Variants in GPATCH1 observed in about 807,000 individuals in gnomAD.
GPATCH1 encodes the protein G patch domain-containing protein 1.
Under a neutral mutation model 114.9 loss-of-function variants are expected in GPATCH1, and 73 were observed. The observed-to-expected ratio is 0.64, with a 90% CI of 0.53 to 0.77. The LOEUF is 0.77. Ranked by LOEUF, GPATCH1 falls within the 30% of genes least tolerant of loss-of-function variation. The probability of loss-of-function intolerance (pLI) is 0.00; values close to 1 mark genes in which losing one functional copy is unlikely to be tolerated. For missense variants in GPATCH1, 1,058 were observed against 1,144.3 expected (o/e 0.92, Z 1.09); for synonymous variants, 391 against 428.4 (o/e 0.91, Z 1.08).
At chr19:33,115,093 T>C (rs1351249015) in intron 15 of GPATCH1, among the ~76,000 whole-genome samples, 2 of 149,824 alleles carry the variant, frequency 1.3e-5, no homozygotes, top group East Asian at 3.9e-4. Context: ...CACCGGCTTT[T>C]ACTCTGTGCC....
chr19:33,090,719 A>G (rs1225815565), intron 2 of GPATCH1, 61 bp from the exon 3 acceptor site: 4 of 1,014,216 alleles, frequency 3.9e-6, no homozygotes, highest in African/African-American at 3.2e-5. Flanking sequence ...TTATTTAATC[A>G]TTTACTCATA....
chr19:33,093,749 A>G (rs1020840756), intron 4 of GPATCH1, among the ~76,000 whole-genome samples: 2 of 152,162 alleles, frequency 1.3e-5, no homozygotes, highest in African/African-American at 4.8e-5. Flanking sequence ...GAGAGCTGTT[A>G]GGAATTACAG....
chr19:33,113,735 G>A (rs1290232127), intron 13 of GPATCH1, 32 bp from the exon 14 acceptor site: 1 of 1,605,826 alleles, frequency 6.2e-7, no homozygotes, highest in Non-Finnish European at 8.5e-7. Flanking sequence ...CCTACTGGTT[G>A]TTACTAAAAT....
intron 18 of GPATCH1, among the ~76,000 whole-genome samples, chr19:33,125,999 C>T (rs1036450671): frequency 4.6e-5 from 7 of 152,138 alleles, no homozygotes; most frequent in African/African-American, 1.4e-4. Context: ...GTTGGGTACC[C>T]AAAGTAGTCT....
At chr19:33,085,887 C>A (rs1284041187) in intron 1 of GPATCH1, among the ~76,000 whole-genome samples, 1 of 152,136 alleles carries the variant, frequency 6.6e-6, no homozygotes, top group Non-Finnish European at 1.5e-5. Flanking sequence ...TGGCCCTCAT[C>A]ATCTGCCGCC....
At chr19:33,116,564 C>G (rs1366586832) in intron 15 of GPATCH1, among the ~76,000 whole-genome samples, 3 of 152,220 alleles carry the variant, frequency 2.0e-5, no homozygotes, top group Admixed American at 6.5e-5. Flanking sequence ...GAGTCTCGCT[C>G]TGTCACCCAG....
chr19:33,110,004 C>T lies in GPATCH1; in HGVS notation c.1573C>T (p.Gln525Ter). The T allele has an allele frequency of 6.2e-7, 1 of 1,607,446 alleles. No homozygotes were observed. The highest frequency in any genetic ancestry group is 8.5e-7 in the Non-Finnish European group (1 of 1,175,932). The change falls in exon 11 of 20, where the codon CAG (glutamine) becomes TAG (stop). Residue 525 changes from glutamine to a stop codon, truncating the protein, a stop_gained. Coordinates refer to ENST00000170564, the MANE Select transcript of GPATCH1 (RefSeq NM_018025.3). LOFTEE classifies it high-confidence loss of function. Reference sequence around the variant, plus strand: ...CGACGAGTTCTTAGTACACATGAAACAGGGTCAGAAAGGTGGGTGCTGGGC... The same window carrying T: ...CGACGAGTTCTTAGTACACATGAAATAGGGTCAGAAAGGTGGGTGCTGGGC... ...RYDEFLVHMK[Q>*]GQKDALERCL...
At chr19:33,083,290 C>T (rs1050873776) in intron 1 of GPATCH1, among the ~76,000 whole-genome samples, 2 of 149,854 alleles carry the variant, frequency 1.3e-5, no homozygotes, top group African/African-American at 4.9e-5. Flanking sequence ...CTATGTTGCT[C>T]AGGCTGGTCT....
In GPATCH1 at chr19:33,090,836, C is replaced by T. The variant is rs1194414249; in HGVS notation, c.265C>T (p.Leu89Phe). 1 of 1,612,942 alleles carries T rather than the reference C, an allele frequency of 6.2e-7. No homozygotes were observed. The highest frequency in any genetic ancestry group is 8.5e-7 in the Non-Finnish European group (1 of 1,179,072). Residue 89 changes from leucine (L) to phenylalanine (F), a missense_variant, in exon 3 of 20, where the codon CTT (leucine) becomes TTT (phenylalanine). Transcript: ENST00000170564. ...SRQNRADKSV[L>F]GPEDFMDEED... Reference sequence around the variant, plus strand: ...ACAGAACAGAGCAGACAAATCTGTTCTTGGTCCTGAAGATTTTATGGATGA... The same window carrying T: ...ACAGAACAGAGCAGACAAATCTGTTTTTGGTCCTGAAGATTTTATGGATGA...
rs376847130 is a variant in GPATCH1, at chr19:33,114,387, G to A, written c.2164G>A (p.Glu722Lys). Residue 722 changes from glutamate to lysine, a missense_variant, in exon 15 of 20, where the codon GAA becomes AAA. Transcript: ENST00000170564. ...GTCCAGCCCCTTAGTAAACAAAGAG[G>A]AAGAGCATGCACCAGAATTATCCGC... ...QQSSPLVNKE[E>K]EHAPELSANQ... 3 of 1,606,698 alleles carry A rather than the reference G, an allele frequency of 1.9e-6. No individual in the cohort carries two copies. The highest frequency in any genetic ancestry group is 2.5e-6 in the Non-Finnish European group (3 of 1,178,190).
chr19:33,105,841 G>C (rs1448194376), intron 9 of GPATCH1, among the ~76,000 whole-genome samples: 1 of 149,506 alleles, frequency 6.7e-6, no homozygotes, highest in South Asian at 2.1e-4. Context: ...TTATTTATTT[G>C]TCTTTCTTTT....
rs79412548 is a variant in GPATCH1, at chr19:33,123,758, T to G, written c.2522-1347T>G. ...GCGAGAACCTAAAAAAAAAAATAAA[T>G]AAAGAAATAGGACTACAAAATTGCA... On this transcript the variant is annotated intron_variant, in intron 17 of 19. Coordinates refer to ENST00000170564, the MANE Select transcript of GPATCH1 (RefSeq NM_018025.3). Among the ~76,000 whole-genome samples the G allele has an allele frequency of 4.7e-3, 716 of 151,224 alleles. 10 individuals carry two copies. Among genetic ancestry groups the G allele is most frequent in the African/African-American group, 0.015 (607 of 41,282 alleles).
chr19:33,116,364 C>T (rs1318287487), intron 15 of GPATCH1, among the ~76,000 whole-genome samples: 1 of 152,206 alleles, frequency 6.6e-6, no homozygotes, highest in Non-Finnish European at 1.5e-5. Flanking sequence ...GTTCCCCTCA[C>T]CTATCATTTC....
chr19:33,106,502 C>T (rs74747176), intron 9 of GPATCH1, among the ~76,000 whole-genome samples, 193 bp from the exon 10 acceptor site: 6 of 152,088 alleles, frequency 3.9e-5, no homozygotes, highest in Non-Finnish European at 8.8e-5. Flanking sequence ...AACACGGTGG[C>T]TCTTGTGACC....
intron 17 of GPATCH1, among the ~76,000 whole-genome samples, chr19:33,119,716 C>T (rs1240174955): frequency 1.4e-5 from 2 of 142,934 alleles, no homozygotes; most frequent in East Asian, 4.2e-4. Context: ...AAAAAAGGGG[C>T]TGCAGCCAGG....
intron 13 of GPATCH1, 118 bp downstream of exon 13, chr19:33,112,731 C>T: frequency 1.5e-6 from 1 of 674,012 alleles, no homozygotes; most frequent in Non-Finnish European, 2.4e-6. Context: ...TTGCATATCA[C>T]TGGATATACA....
chr19:33,119,215 G>A (rs1315921633), intron 17 of GPATCH1, 98 bp downstream of exon 17: 2 of 587,108 alleles, frequency 3.4e-6, no homozygotes, highest in East Asian at 6.0e-5. Flanking sequence ...ATACGTGCTT[G>A]CTTCTGGTTT....
rs759998717 is a variant in GPATCH1 at position 33,083,243 on chromosome 19, C to CAA, written c.73+1996_73+1997dup. On this transcript the variant is annotated intron_variant, in intron 1 of 19. Coordinates refer to ENST00000170564, the MANE Select transcript of GPATCH1 (RefSeq NM_018025.3). ...TGGGCGACAGAGCGAGACTCTGTCT[C>CAA]AAAAAAAAAAAAAAAAAAAATAGAG... is the stretch of plus-strand genomic sequence containing the variant. 6.7e-3 allele frequency among the ~76,000 whole-genome samples: 411 copies of CAA among 61,636 alleles called. 18 individuals are homozygous for CAA. The highest frequency in any genetic ancestry group is 0.027 in the East Asian group (54 of 2,024). The allele number at this position is 61,636 out of a possible 152,430, so 40.4% of individuals were successfully genotyped here.
chr19:33,104,112 T>C (rs1019673134), intron 9 of GPATCH1, among the ~76,000 whole-genome samples: 3 of 151,156 alleles, frequency 2.0e-5, no homozygotes, highest in African/African-American at 7.3e-5. Context: ...GGCAGATCGC[T>C]AGAGTCCAGG....
Sources: gnomAD v4.1 joint callset for allele counts (sites outside exome capture counted in the v4.1 genomes callset) on GRCh38, gnomAD v4.1.1 for gene constraint, MANE v1.5 for transcripts, NCBI Gene and HGNC (gene_info 2026-07-23, HGNC 2026-07-21) for gene names.